ZNF251: variants seen among roughly 807,000 people sequenced by gnomAD.
ZNF251 encodes the protein zinc finger protein 251.
A neutral mutation model predicts 13.5 loss-of-function variants in ZNF251; 14 were observed. The ratio of observed to expected loss-of-function variants is 1.04; its 90% CI spans 0.69 to 1.63. The LOEUF (loss-of-function observed/expected upper bound fraction) is 1.63. Among genes scored for constraint, ZNF251 ranks in the 40% most tolerant of loss-of-function variants. ZNF251 has a pLI of 0.00. For missense variants in ZNF251, 764 were observed against 834.9 expected (o/e 0.92, Z 1.05); for synonymous variants, 287 against 295.2 (o/e 0.97, Z 0.28).
chr8:144,728,013 C>T (rs750349544), intron 4 of ZNF251, among the ~76,000 whole-genome samples: 39 of 152,166 alleles, frequency 2.6e-4, no homozygotes, highest in African/African-American at 7.0e-4. Context: ...AGCTAACAGA[C>T]GCAAAAGGCC....
At position 144,723,341 on chromosome 8, in the gene ZNF251, G is replaced by C. The variant is rs1249627624; in HGVS notation, c.319C>G (p.Gln107Glu). The change falls in exon 5 of 5, where the codon CAA becomes GAA. Residue 107 changes from glutamine to glutamate, a missense_variant. Physicochemically the swap from Gln to Glu is conservative, Grantham distance 29 (BLOSUM62 2). Coordinates refer to ENST00000292562, the MANE Select transcript of ZNF251 (RefSeq NM_138367.2). ...GTKKELSILN[Q>E]KFSEEVKTPE... ...GTTTTTACTTCTTCGGAAAATTTTT[G>C]GTTTAAAATAGATAGTTCCTTCTTG... is the stretch of plus-strand genomic sequence containing the variant. The C allele has an allele frequency of 6.5e-7, 1 of 1,531,720 alleles. No individual in the cohort carries two copies. The highest frequency in any genetic ancestry group is 2.3e-5 in the East Asian group (1 of 43,974). 94.9% of individuals were successfully genotyped at this position (1,531,720 alleles called of 1,614,324 possible).
At chr8:144,737,650 G>T (rs1370520765) in intron 4 of ZNF251, among the ~76,000 whole-genome samples, 2 of 151,676 alleles carry the variant, frequency 1.3e-5, no homozygotes, top group East Asian at 3.9e-4. Context: ...GGCTAACACG[G>T]TGAAACCCCG....
intron 4 of ZNF251, among the ~76,000 whole-genome samples, chr8:144,730,407 G>GCA (rs1563757399): frequency 5.6e-5 from 2 of 35,942 alleles, no homozygotes; most frequent in African/African-American, 2.5e-4. Context: ...GCGTCCCGGG[G>GCA]GTGACACTGG....
chr8:144,743,857 T>C (rs139720840), intron 4 of ZNF251, among the ~76,000 whole-genome samples: 10 of 152,302 alleles, frequency 6.6e-5, no homozygotes, highest in African/African-American at 2.4e-4. Context: ...CTCCTTCCAT[T>C]CGGAGCCTAT....
At chr8:144,747,466 C>T (rs1024972094) in intron 4 of ZNF251, among the ~76,000 whole-genome samples, 5 of 152,224 alleles carry the variant, frequency 3.3e-5, no homozygotes, top group Non-Finnish European at 7.3e-5. Flanking sequence ...AAATTATTCC[C>T]AGCTGACTGA....
intron 4 of ZNF251, among the ~76,000 whole-genome samples, chr8:144,735,487 A>G (rs112943733): frequency 9.9e-5 from 15 of 151,848 alleles, no homozygotes; most frequent in Non-Finnish European, 1.9e-4. Context: ...GTTAGCGCTC[A>G]CTCCCACAGA....
At chr8:144,726,089 C>T (rs1823508378) in intron 4 of ZNF251, among the ~76,000 whole-genome samples, 1 of 146,684 alleles carries the variant, frequency 6.8e-6, no homozygotes. Context: ...CCTAGCTACT[C>T]GGGAGTCTGA....
At chr8:144,754,048 G>C (rs548538702) in intron 3 of ZNF251, 144 bp downstream of exon 3, 43 of 1,268,480 alleles carry the variant, frequency 3.4e-5, no homozygotes, top group Admixed American at 1.8e-4. Context: ...TTTTCCCATG[G>C]GAAATGTTCC....
Position 144,734,002 on chromosome 8 carries a change from G to A in ZNF251, c.278-10620C>T, listed in dbSNP as rs1018180090. On this transcript the variant is annotated intron_variant, in intron 4 of 4. Transcript: ENST00000292562. This position sits in a 1 kb window ranked among gnomAD's most constrained non-coding sequence, Gnocchi z 4.4. The stretch of plus-strand genomic sequence containing the variant: ...ATGCCGCTAGGTCTGTTCCGCAGCC[G>A]GCAGAATCTTAGGCTGCACGTGCCA... Among the ~76,000 whole-genome samples, 5 of 152,280 alleles carry A rather than the reference G, an allele frequency of 3.3e-5. No homozygotes were observed. Among genetic ancestry groups the A allele is most frequent in the South Asian group, 4.1e-4 (2 of 4,820 alleles).
rs1054944547 is a variant in ZNF251 at position 144,722,118 on chromosome 8, C to T, written c.1542G>A (p.Glu514=). The change falls in exon 5 of 5, where the codon GAG becomes GAA. Residue 514 remains glutamate (E), a synonymous_variant. Transcript: ENST00000292562. The surrounding 1 kb of genome is among the most constrained non-coding windows in gnomAD (Gnocchi z 4.8). ...LIQHQKVHSG[E]TRKCRKHGPA... The stretch of plus-strand genomic sequence containing the variant: ...GACCATGTTTTCTGCACTTACGAGT[C>T]TCTCCGCTGTGAACTTTCTGATGCT... 8 of 1,613,966 alleles carry T rather than the reference C, an allele frequency of 5.0e-6. No homozygotes were observed. Among genetic ancestry groups the T allele is most frequent in the African/African-American group, 1.3e-5 (1 of 74,920 alleles).
In ZNF251 at chr8:144,734,102, G is replaced by A. The variant is rs558157038; in HGVS notation, c.278-10720C>T. 1.3e-3 allele frequency among the ~76,000 whole-genome samples: 197 copies of A among 152,324 alleles called. No homozygotes were observed. The highest frequency in any genetic ancestry group is 2.2e-3 in the Non-Finnish European group (153 of 68,022). ...TCTGTGTTTCCGAAATCCTGACCCA[G>A]GAGGCGCCCACTCAGACCACAGTCC... On this transcript the variant is annotated intron_variant, in intron 4 of 4. Transcript: ENST00000292562. The surrounding 1 kb of genome is among the most constrained non-coding windows in gnomAD (Gnocchi z 4.4).
At chr8:144,728,657 C>T (rs1480632769) in intron 4 of ZNF251, among the ~76,000 whole-genome samples, 2 of 127,136 alleles carry the variant, frequency 1.6e-5, no homozygotes, top group Admixed American at 8.0e-5. Flanking sequence ...AGCAAGGCTC[C>T]GTCTCAAAAA....
chr8:144,732,583 C>A (rs183330644), intron 4 of ZNF251, among the ~76,000 whole-genome samples: 3 of 151,754 alleles, frequency 2.0e-5, no homozygotes, highest in South Asian at 2.1e-4. Context: ...GAGGCCAAGG[C>A]GGGGGAATCA....
chr8:144,740,704 C>T (rs536386398), intron 4 of ZNF251, among the ~76,000 whole-genome samples: 6 of 151,936 alleles, frequency 3.9e-5, no homozygotes, highest in East Asian at 1.9e-4. Context: ...GAGGCTGAGG[C>T]GGGCAGATTG....
chr8:144,745,995 TCA>T (rs1340752931), intron 4 of ZNF251, among the ~76,000 whole-genome samples: 1 of 152,256 alleles, frequency 6.6e-6, no homozygotes, highest in Non-Finnish European at 1.5e-5. Flanking sequence ...GTATTTTTCC[TCA>T]CAGATTTTGT....
At position 144,732,995 on chromosome 8, in the gene ZNF251, G is replaced by C. The variant is rs147075052; in HGVS notation, c.278-9613C>G. On this transcript the variant is annotated intron_variant, in intron 4 of 4. Transcript: ENST00000292562. ...CCAGCACTTTGGGAGGCTGAGGCGGGTGGATCATCTGAGGTCAGGAGTTCG... is the reference window on the plus strand; with the variant it reads ...CCAGCACTTTGGGAGGCTGAGGCGGCTGGATCATCTGAGGTCAGGAGTTCG... 5.2e-3 allele frequency among the ~76,000 whole-genome samples: 786 copies of C among 152,050 alleles called. 7 individuals carry two copies. Among genetic ancestry groups the C allele is most frequent in the African/African-American group, 0.018 (758 of 41,458 alleles).
chr8:144,725,531 A>G (rs1344797790), intron 4 of ZNF251, among the ~76,000 whole-genome samples: 1 of 151,696 alleles, frequency 6.6e-6, no homozygotes, highest in African/African-American at 2.4e-5. Flanking sequence ...ACCTCAAGCA[A>G]TCCTCCTGCT....
intron 4 of ZNF251, among the ~76,000 whole-genome samples, chr8:144,739,903 A>G (rs952440303): frequency 1.3e-5 from 2 of 152,130 alleles, no homozygotes; most frequent in Non-Finnish European, 2.9e-5. Flanking sequence ...TCAAAAAAAA[A>G]AAAAGCATTT....
rs377002963 is a variant in ZNF251, at chr8:144,754,717, T to C, written c.12A>G (p.Thr4=). The change falls in exon 2 of 5, where the codon ACA becomes ACG. Residue 4 remains threonine, a synonymous_variant. Coordinates refer to ENST00000292562, the MANE Select transcript of ZNF251 (RefSeq NM_138367.2). Reference sequence around the variant, plus strand: ...TCACCTGGTGCCCTGGAAGCTGGAATGTGGCTGCCATTCTGTGTGCATGGG... The same window carrying C: ...TCACCTGGTGCCCTGGAAGCTGGAACGTGGCTGCCATTCTGTGTGCATGGG... MAA[T]FQLPGHQEMP... 2 of 1,612,178 alleles carry C rather than the reference T, an allele frequency of 1.2e-6. No individual in the cohort carries two copies. The highest frequency in any genetic ancestry group is 2.2e-5 in the South Asian group (2 of 90,586).
Sources: allele counts gnomAD v4.1 joint callset (sites outside exome capture counted in the v4.1 genomes callset), GRCh38; gene constraint gnomAD v4.1.1; non-coding constraint Gnocchi (gnomAD v3.1); transcripts MANE v1.5; gene names NCBI Gene and HGNC (gene_info 2026-07-23, HGNC 2026-07-21).